Variants in MIGA2 observed in about 807,000 individuals in gnomAD.
The protein encoded by MIGA2 is mitoguardin 2.
A neutral mutation model predicts 69.9 loss-of-function variants in MIGA2; 36 were observed. The observed-to-expected ratio is 0.52, with a 90% CI of 0.39 to 0.68. The LOEUF is 0.68. Among genes scored for constraint, MIGA2 ranks in the 30% least tolerant of loss-of-function variants. The pLI is 0.00. For synonymous variants in MIGA2, 333 were observed against 349.2 expected, an observed-to-expected ratio of 0.95 and a Z score of 0.52; for missense variants, 660 against 787.7, an observed-to-expected ratio of 0.84 and a Z score of 1.94.
rs17481463 is a variant in MIGA2 at position 129,063,341 on chromosome 9, G to A, written c.1083+25G>A. Reference sequence around the variant, plus strand: ...GGTGGGTGTGGCCTGGGGGTTCCTCGGGGGTGGGAGGCAAGGGGTAGTCAG... The same window carrying A: ...GGTGGGTGTGGCCTGGGGGTTCCTCAGGGGTGGGAGGCAAGGGGTAGTCAG... On this transcript the variant is annotated intron_variant, in intron 10 of 15. Coordinates refer to ENST00000684074, the MANE Select transcript of MIGA2 (RefSeq NM_001329990.2). 1.2e-3 allele frequency: 1,941 copies of A among 1,611,962 alleles called. 19 individuals are homozygous for A. In the East Asian group the frequency reaches 0.015, roughly 12 times the overall value.
intron 3 of MIGA2, among the ~76,000 whole-genome samples, chr9:129,045,848 TG>T (rs1353336835): frequency 1.6e-4 from 24 of 151,012 alleles, no homozygotes; most frequent in Non-Finnish European, 2.8e-4. Context: ...ATAAGTGTTT[TG>T]TTTTTTTTTT....
intron 1 of MIGA2, 125 bp downstream of exon 1, chr9:129,036,806 G>C (rs889359642): frequency 9.5e-6 from 3 of 315,074 alleles, no homozygotes; most frequent in African/African-American, 6.8e-5. Flanking sequence ...GTCGGGGTTG[G>C]AATGAGTGGG....
At chr9:129,062,366 T>G (rs1846108948) in intron 9 of MIGA2, among the ~76,000 whole-genome samples, 1 of 149,404 alleles carries the variant, frequency 6.7e-6, no homozygotes, top group Admixed American at 6.7e-5. Context: ...ACCCCATCTC[T>G]ACTAAAAATA....
Position 129,063,581 on chromosome 9 carries a change from G to A in MIGA2, c.1120G>A (p.Gly374Arg), listed in dbSNP as rs556595522. 1.3e-5 allele frequency: 21 copies of A among 1,613,426 alleles called. No individual in the cohort carries two copies. In the South Asian group the frequency reaches 1.6e-4, roughly 13 times the overall value. ...LEDKSNQLFF[G>R]KVGRQMVTGL... is the part of the protein sequence containing the mutation. The stretch of plus-strand genomic sequence containing the variant: ...AGACAAGAGTAACCAGCTTTTCTTC[G>A]GGAAAGTGGGCCGACAGATGGTGAC... Residue 374 changes from glycine to arginine, a missense_variant, in exon 11 of 16, where the codon GGG (glycine) becomes AGG (arginine). By Grantham distance (125) the Gly-to-Arg change is moderately radical. This residue lies in a region of MIGA2 where 220 missense variants were observed against 301.7 expected (regional missense o/e 0.73). Transcript: ENST00000684074.
At chr9:129,064,983 A>G (rs114623955) in intron 11 of MIGA2, among the ~76,000 whole-genome samples, 1 of 151,542 alleles carries the variant, frequency 6.6e-6, no homozygotes, top group African/African-American at 2.4e-5. Context: ...GGGTTTTGCT[A>G]TGTTGCCCAG....
intron 11 of MIGA2, 24 bp downstream of exon 11, chr9:129,063,655 G>GGGGGGGGGGGGGGGGGC: frequency 2.8e-5 from 18 of 645,638 alleles, no homozygotes; most frequent in Non-Finnish European, 4.3e-5. Context: ...GGGTGGGGGG[G>GGGGGGGGGGGGGGGGGC]CAAATTATAA....
rs1161817888 is a variant in MIGA2 at position 129,070,439 on chromosome 9, G to A, written c.1768G>A (p.Gly590Arg). 8 of 1,587,512 alleles carry A rather than the reference G, an allele frequency of 5.0e-6. No homozygotes were observed. In the South Asian group the frequency reaches 7.9e-5, roughly 16 times the overall value. ...GALPRENGPL[G>R]ELQ ...GCTGCCCCGAGAGAATGGGCCCCTG[G>A]GGGAGCTGCAGTAGAGGCGGCACGG... The change falls in exon 16 of 16, where the codon GGG becomes AGG. Residue 590 changes from glycine (G) to arginine (R), a missense_variant. By Grantham distance (125) the Gly-to-Arg change is moderately radical. Transcript: ENST00000684074.
intron 1 of MIGA2, among the ~76,000 whole-genome samples, chr9:129,038,942 C>G (rs1392441928): frequency 1.3e-5 from 2 of 151,368 alleles, no homozygotes; most frequent in South Asian, 2.1e-4. Flanking sequence ...ATTACAGGCA[C>G]GTGCCACCAC....
intron 9 of MIGA2, 124 bp from the exon 10 acceptor site, chr9:129,063,120 C>T (rs575983803): frequency 3.1e-4 from 291 of 947,654 alleles, no homozygotes; most frequent in Non-Finnish European, 4.1e-4. Flanking sequence ...GCCACACTGC[C>T]AGGCTGAGGC....
chr9:129,039,828 C>T (rs535751676), intron 1 of MIGA2: 2 of 155,050 alleles, frequency 1.3e-5, no homozygotes, highest in East Asian at 1.9e-4. Context: ...CTGCCACCTC[C>T]ACCTCCCAGG....
At chr9:129,058,052 A>G (rs1219507291) in intron 6 of MIGA2, among the ~76,000 whole-genome samples, 2 of 152,228 alleles carry the variant, frequency 1.3e-5, no homozygotes, top group Non-Finnish European at 2.9e-5. Context: ...ACAATAGGTT[A>G]TTAGTAGTTA....
chr9:129,037,707 G>A (rs1438105146), intron 1 of MIGA2, among the ~76,000 whole-genome samples: 1 of 152,156 alleles, frequency 6.6e-6, no homozygotes, highest in Non-Finnish European at 1.5e-5. Flanking sequence ...CCCCTGTAGC[G>A]TTTATTTGTT....
intron 3 of MIGA2, among the ~76,000 whole-genome samples, chr9:129,043,378 TTCTC>T (rs1311280310): frequency 6.7e-6 from 1 of 150,022 alleles, no homozygotes; most frequent in Non-Finnish European, 1.5e-5. Flanking sequence ...ACTCCTTCTG[TTCTC>T]TCTTTTTTTT....
chr9:129,049,303 G>T, intron 4 of MIGA2, 78 bp from the exon 5 acceptor site: 2 of 1,400,004 alleles, frequency 1.4e-6, no homozygotes. Flanking sequence ...TGGTCAGGCA[G>T]TGGAGGAGGG....
intron 11 of MIGA2, among the ~76,000 whole-genome samples, chr9:129,066,959 CAAAAAAAAAAAAA>C (rs1215441028): frequency 1.2e-4 from 4 of 32,122 alleles, no homozygotes; most frequent in Non-Finnish European, 2.2e-4. Flanking sequence ...GACTCTGTCT[CAAAAAAAAAAAAA>C]AAAAAAAAAA....
chr9:129,065,659 G>A (rs1384176297), intron 11 of MIGA2, among the ~76,000 whole-genome samples: 1 of 151,914 alleles, frequency 6.6e-6, no homozygotes, highest in Non-Finnish European at 1.5e-5. Flanking sequence ...CTATGTATAG[G>A]ATTTAATGAA....
intron 6 of MIGA2, among the ~76,000 whole-genome samples, chr9:129,052,271 T>C (rs1054071612): frequency 7.9e-5 from 12 of 151,952 alleles, no homozygotes; most frequent in African/African-American, 2.9e-4. Flanking sequence ...CAGAGGTGCC[T>C]GCCAGCACGC....
At chr9:129,047,982 C>T (rs1845318983) in intron 3 of MIGA2, among the ~76,000 whole-genome samples, 3 of 152,274 alleles carry the variant, frequency 2.0e-5, no homozygotes, top group South Asian at 2.1e-4. Flanking sequence ...TCCCCCATCT[C>T]GGCCTCCCAA....
chr9:129,063,296 T>G lies in MIGA2; in HGVS notation c.1063T>G (p.Cys355Gly). Residue 355 changes from cysteine to glycine, a missense_variant, in exon 10 of 16, where the codon TGT becomes GGT. Cys to Gly is a radical substitution (Grantham distance 159). Around this residue, in one of 3 missense-constraint regions of MIGA2, gnomAD observed 386 missense variants for 402.0 expected, o/e 0.96. Coordinates refer to ENST00000684074, the MANE Select transcript of MIGA2 (RefSeq NM_001329990.2). ...SDQDFLAKLH[C>G]VRQAFEGLLE... The stretch of plus-strand genomic sequence containing the variant: ...CCAGGACTTTCTGGCCAAGCTGCAC[T>G]GTGTGCGGCAGGCCTTCGAGGTGGG... 1 of 1,614,066 alleles carries G rather than the reference T, an allele frequency of 6.2e-7. No homozygotes were observed. The highest frequency in any genetic ancestry group is 8.5e-7 in the Non-Finnish European group (1 of 1,179,994).
Sources: gnomAD v4.1 joint callset for allele counts (sites outside exome capture counted in the v4.1 genomes callset) on GRCh38, gnomAD v4.1.1 for gene constraint, gnomAD v4.1.1 regional missense constraint, MANE v1.5 for transcripts, NCBI Gene and HGNC (gene_info 2026-07-23, HGNC 2026-07-21) for gene names.